ANKRD28: variants seen among roughly 807,000 people sequenced by gnomAD.
ANKRD28 encodes the protein serine/threonine-protein phosphatase 6 regulatory ankyrin repeat subunit A.
A neutral mutation model predicts 126.5 loss-of-function variants in ANKRD28; 44 were observed. The observed-to-expected ratio is 0.35, with a 90% CI of 0.27 to 0.45. The LOEUF is 0.45. Among genes scored for constraint, ANKRD28 ranks in the 20% least tolerant of loss-of-function variants. The pLI is 1.00. For missense variants in ANKRD28, 1,110 were observed against 1,316.6 expected (o/e 0.84, Z 2.43); for synonymous variants, 442 against 468.5 (o/e 0.94, Z 0.73).
At chr3:15,688,013 A>G (rs939159028) in intron 18 of ANKRD28, among the ~76,000 whole-genome samples, 1 of 152,222 alleles carries the variant, frequency 6.6e-6, no homozygotes, top group South Asian at 2.1e-4. Flanking sequence ...AGGCATCTAT[A>G]GATACAAGGC....
chr3:15,715,804 CACATCAGTGCT>C (rs2072937453), intron 8 of ANKRD28, among the ~76,000 whole-genome samples: 1 of 151,984 alleles, frequency 6.6e-6, no homozygotes, highest in African/African-American at 2.4e-5. Flanking sequence ...ACTCAGATAA[CACATCAGTGCT>C]TCTCAGGATA....
At chr3:15,742,753 A>AG (rs1376854357) in intron 4 of ANKRD28, among the ~76,000 whole-genome samples, 1 of 101,926 alleles carries the variant, frequency 9.8e-6, no homozygotes, top group African/African-American at 3.9e-5. Flanking sequence ...GAGGGAGGTG[A>AG]GGGGGTCAGC....
At chr3:15,724,316 G>A in intron 7 of ANKRD28, 66 bp downstream of exon 7, 1 of 1,328,426 alleles carries the variant, frequency 7.5e-7, no homozygotes, top group East Asian at 2.5e-5. Flanking sequence ...GAAATAACTT[G>A]TCAATAATGT....
At chr3:15,806,188 CTT>C (rs1456921423) in intron 1 of ANKRD28, among the ~76,000 whole-genome samples, 3 of 152,158 alleles carry the variant, frequency 2.0e-5, no homozygotes, top group Non-Finnish European at 4.4e-5. Context: ...CTTCGATAAA[CTT>C]TTAAAAAGCC....
chr3:15,722,898 C>T (rs1399590126), intron 7 of ANKRD28, among the ~76,000 whole-genome samples: 3 of 151,822 alleles, frequency 2.0e-5, no homozygotes, highest in South Asian at 2.1e-4. Flanking sequence ...TCTATTAGCC[C>T]TCCAGTTTGT....
intron 3 of ANKRD28, 72 bp downstream of exon 3, chr3:15,766,162 A>G (rs1250545455): frequency 2.1e-5 from 26 of 1,214,992 alleles, no homozygotes; most frequent in Non-Finnish European, 3.0e-5. Context: ...TAAATAGTCA[A>G]TTATGATTGA....
intron 1 of ANKRD28, among the ~76,000 whole-genome samples, chr3:15,849,038 T>C (rs1276833354): frequency 1.3e-5 from 2 of 152,206 alleles, no homozygotes; most frequent in African/African-American, 2.4e-5. Flanking sequence ...TTCTATATAT[T>C]ACCAATAAAC....
In ANKRD28 at chr3:15,815,536, GA is replaced by G. The variant is rs1176568891; in HGVS notation, c.28-20231del. ...TGGTCTCAAACTCCTGGGCTCAAGCGATCCTCCTGCCTTGGCCTCCCAAAGT... is the reference window on the plus strand; with the variant it reads ...TGGTCTCAAACTCCTGGGCTCAAGCGTCCTCCTGCCTTGGCCTCCCAAAGT... On this transcript the variant is annotated intron_variant, in intron 1 of 27. Coordinates refer to the ANKRD28 transcript ENST00000399451. The surrounding 1 kb of genome is among the most constrained non-coding windows in gnomAD (Gnocchi z 4.1). Among the ~76,000 whole-genome samples, 2 of 152,108 alleles carry G rather than the reference GA, an allele frequency of 1.3e-5. No homozygotes were observed. Among genetic ancestry groups the G allele is most frequent in the Non-Finnish European group, 2.9e-5 (2 of 68,020 alleles).
At chr3:15,855,912 G>A (rs1213104138) in intron 1 of ANKRD28, among the ~76,000 whole-genome samples, 1 of 152,180 alleles carries the variant, frequency 6.6e-6, no homozygotes, top group East Asian at 1.9e-4. Context: ...CCCTTTAAGA[G>A]GGTGAACTTT....
rs1463420477 is a variant in ANKRD28 at position 15,811,278 on chromosome 3, C to T, written c.28-15972G>A. On this transcript the variant is annotated intron_variant, in intron 1 of 27. Transcript: ENST00000399451. ...TAAGATCTCCATAATCTGTTACAAT[C>T]ACAAATAGACTCTATAGACTTAAGT... Among the ~76,000 whole-genome samples the T allele has an allele frequency of 2.0e-5, 3 of 152,008 alleles. No homozygotes were observed. The East Asian group carries it at 5.8e-4, about 29-fold the overall frequency.
chr3:15,708,145 TC>T, intron 13 of ANKRD28, 81 bp from the exon 14 acceptor site: 1 of 1,444,240 alleles, frequency 6.9e-7, no homozygotes, highest in South Asian at 1.3e-5. Context: ...CTCTTACTCC[TC>T]CCAGTTACAA....
chr3:15,754,230 T>C (rs550288514), intron 3 of ANKRD28, among the ~76,000 whole-genome samples: 6 of 152,264 alleles, frequency 3.9e-5, no homozygotes, highest in African/African-American at 9.6e-5. Context: ...CATGATGAAA[T>C]ATGGCACCAT....
intron 17 of ANKRD28, among the ~76,000 whole-genome samples, chr3:15,691,165 C>T (rs2068749297): frequency 6.6e-6 from 1 of 151,542 alleles, no homozygotes; most frequent in Admixed American, 6.6e-5. Context: ...ACTCTGTCAC[C>T]AGGCTGGAGT....
rs767602669 is a variant in ANKRD28 at position 15,711,231 on chromosome 3, T to A, written c.1317A>T (p.Leu439=). 1 of 1,612,840 alleles carries A rather than the reference T, an allele frequency of 6.2e-7. No homozygotes were observed. ...DTPDDFGRTC[L]HAAAAGGNLE... ...CATACCCTCCAGCTGCAGCTGCATG[T>A]AGACAAGTCCTGCCAAAATCATCTG... Residue 439 remains leucine (L), a synonymous_variant, in exon 12 of 28, where the codon CTA becomes CTT. Coordinates refer to ENST00000683139, the MANE Select transcript of ANKRD28 (RefSeq NM_001349278.2).
chr3:15,741,240 T>C (rs767390401), intron 4 of ANKRD28, among the ~76,000 whole-genome samples: 2 of 151,794 alleles, frequency 1.3e-5, no homozygotes, highest in African/African-American at 2.4e-5. Context: ...CAGATCACAA[T>C]AGCAGTGATC....
At chr3:15,756,623 G>T in intron 3 of ANKRD28, 1 of 470,424 alleles carries the variant, frequency 2.1e-6, no homozygotes, top group Non-Finnish European at 2.8e-6. Context: ...CTAGTTGGCT[G>T]TGTGACCTGG....
chr3:15,777,685 G>A (rs746637841), intron 2 of ANKRD28, among the ~76,000 whole-genome samples: 1 of 151,962 alleles, frequency 6.6e-6, no homozygotes, highest in African/African-American at 2.4e-5. Flanking sequence ...AAACAGAAAG[G>A]GCGAAACAAA....
At chr3:15,763,753 G>A (rs74606443) in intron 3 of ANKRD28, among the ~76,000 whole-genome samples, 2,917 of 152,224 alleles carry the variant, frequency 0.019, 95 homozygotes, top group African/African-American at 0.066. Context: ...AGAGTAGCAG[G>A]AATTCAAGTC....
At chr3:15,794,528 G>A (rs568508915) in intron 2 of ANKRD28, among the ~76,000 whole-genome samples, 1 of 152,240 alleles carries the variant, frequency 6.6e-6, no homozygotes, top group South Asian at 2.1e-4. Flanking sequence ...AATTTTGTTA[G>A]AGTACGTAAT....
Sources: gnomAD v4.1 joint callset for allele counts (sites outside exome capture counted in the v4.1 genomes callset) on GRCh38, gnomAD v4.1.1 for gene constraint, Gnocchi (gnomAD v3.1) non-coding constraint, MANE v1.5 for transcripts, NCBI Gene and HGNC (gene_info 2026-07-23, HGNC 2026-07-21) for gene names.